Variants in EGF observed in about 807,000 individuals in gnomAD.
EGF encodes the protein epidermal growth factor, also known as pro-epidermal growth factor.
A neutral mutation model predicts 143.8 loss-of-function variants in EGF; 95 were observed. The observed-to-expected ratio is 0.66, with a 90% CI of 0.56 to 0.78. The LOEUF is 0.78. EGF is among the 30% of genes least tolerant of loss of function. The pLI, the probability that EGF is intolerant of heterozygous loss-of-function variation, is 0.00. For missense variants in EGF, 1,320 were observed against 1,470.9 expected (o/e 0.90, Z 1.68); for synonymous variants, 510 against 510.5 (o/e 1.00, Z 0.01).
chr4:109,937,471 A>G (rs1217234297), intron 1 of EGF, among the ~76,000 whole-genome samples: 2 of 151,526 alleles, frequency 1.3e-5, no homozygotes. Context: ...CAGCACACTG[A>G]TGGTCTTGAC....
chr4:109,936,763 T>C (rs1740883926), intron 1 of EGF, among the ~76,000 whole-genome samples: 1 of 152,176 alleles, frequency 6.6e-6, no homozygotes, highest in Non-Finnish European at 1.5e-5. Flanking sequence ...TGGTTTCCAA[T>C]AACTTATTTA....
chr4:109,930,663 C>G (rs1347633100), intron 1 of EGF, among the ~76,000 whole-genome samples: 1 of 152,168 alleles, frequency 6.6e-6, no homozygotes, highest in East Asian at 1.9e-4. Context: ...GCCCCCAAGG[C>G]CTGCAGAAGA....
intron 1 of EGF, among the ~76,000 whole-genome samples, chr4:109,913,699 T>C (rs1478906035): frequency 1.3e-5 from 2 of 152,246 alleles, no homozygotes; most frequent in Non-Finnish European, 2.9e-5. Context: ...TGAATGAATA[T>C]GCCTCATTTT....
intron 5 of EGF, among the ~76,000 whole-genome samples, chr4:109,953,994 A>G (rs1158616364): frequency 6.6e-6 from 1 of 152,268 alleles, no homozygotes; most frequent in Non-Finnish European, 1.5e-5. Context: ...ATGAGGATAC[A>G]ATAAGAAAAG....
At chr4:109,987,662 T>G (rs182739273) in intron 16 of EGF, 82 bp from the exon 17 acceptor site, 2 of 1,138,774 alleles carry the variant, frequency 1.8e-6, no homozygotes, top group Non-Finnish European at 1.3e-6. Context: ...AGTGGTGGAC[T>G]GTTCTGTAGA....
At chr4:109,944,914 T>C (rs1026571274) in intron 4 of EGF, among the ~76,000 whole-genome samples, 159 bp from the exon 5 acceptor site, 1 of 152,204 alleles carries the variant, frequency 6.6e-6, no homozygotes, top group African/African-American at 2.4e-5. Context: ...AGGAGATAAA[T>C]AAAATTTTAA....
At chr4:109,989,280 G>A (rs1419020142) in intron 18 of EGF, among the ~76,000 whole-genome samples, 1 of 152,184 alleles carries the variant, frequency 6.6e-6, no homozygotes, top group African/African-American at 2.4e-5. Context: ...TCTGGGTGTG[G>A]CACGTTGGAT....
rs1206683070 is a variant in EGF, at chr4:109,961,963, G to A, written c.1290G>A (p.Glu430=). The A allele has an allele frequency of 3.1e-6, 5 of 1,613,890 alleles. No individual in the cohort carries two copies. In the Admixed American group the frequency reaches 8.3e-5, roughly 27 times the overall value. The part of the protein sequence containing the change: ...LCFCPEGSVL[E]RDGKTCSGCS... ...TCTGTCCTGAAGGCTCAGTGCTTGA[G>A]AGAGATGGGAAAACATGTAGCGGTG... is the stretch of plus-strand genomic sequence containing the variant. The change falls in exon 8 of 24, where the codon GAG becomes GAA. Residue 430 remains glutamate (E), a synonymous_variant. Coordinates refer to ENST00000265171, the MANE Select transcript of EGF (RefSeq NM_001963.6).
intron 21 of EGF, chr4:110,001,908 T>G: frequency 1.0e-6 from 1 of 985,428 alleles, no homozygotes; most frequent in Non-Finnish European, 1.2e-6. Flanking sequence ...TACCTAACAA[T>G]TCTGATCAGT....
At position 109,939,286 on chromosome 4, in the gene EGF, C is replaced by T. The variant is rs554516565; in HGVS notation, c.128-1660C>T. The stretch of plus-strand genomic sequence containing the variant: ...TCCACCAAGCTTTAGCATCCCAGAT[C>T]GATCTCAGACTGCTGCGCTAGCAGT... On this transcript the variant is annotated intron_variant, in intron 1 of 23. Transcript: ENST00000265171. 7.2e-5 allele frequency among the ~76,000 whole-genome samples: 11 copies of T among 152,334 alleles called. No individual in the cohort carries two copies. The South Asian group carries it at 8.3e-4, about 11-fold the overall frequency.
At chr4:109,986,099 A>G (rs987611320) in intron 16 of EGF, among the ~76,000 whole-genome samples, 2 of 152,178 alleles carry the variant, frequency 1.3e-5, no homozygotes, top group African/African-American at 4.8e-5. Flanking sequence ...GAATGTGAAC[A>G]CAGGCATTTA....
intron 1 of EGF, among the ~76,000 whole-genome samples, chr4:109,939,166 T>C (rs1421207831): frequency 6.6e-6 from 1 of 152,242 alleles, no homozygotes; most frequent in African/African-American, 2.4e-5. Flanking sequence ...TTGAGCTGCG[T>C]TGGGCTCTGC....
intron 1 of EGF, among the ~76,000 whole-genome samples, chr4:109,932,776 A>G (rs866501181): frequency 5.3e-5 from 8 of 152,168 alleles, no homozygotes; most frequent in Non-Finnish European, 1.0e-4. Context: ...TTTATTCAGC[A>G]TAGACTATAG....
chr4:109,943,222 A>G (rs1426340036), intron 2 of EGF, 32 bp from the exon 3 acceptor site: 1 of 1,450,552 alleles, frequency 6.9e-7, no homozygotes, highest in Non-Finnish European at 9.5e-7. Flanking sequence ...TGGGGGAAGT[A>G]TTAATAACAA....
rs1736008144 is a variant in EGF, at chr4:109,913,206, T to A, written c.-130T>A. The A allele has an allele frequency of 6.1e-6, 7 of 1,145,110 alleles. No homozygotes were observed. The South Asian group carries it at 8.9e-5, about 15-fold the overall frequency. The allele number at this position is 1,145,110 out of a possible 1,614,324, so 70.9% of individuals were successfully genotyped here. On this transcript the variant is annotated 5_prime_UTR_variant, in exon 1 of 24. Transcript: ENST00000265171. ...GGAGGACAACAGCACAACAGGAGAG[T>A]AAAAGATGCCCCAGGGCTGAGGCCT...
intron 1 of EGF, among the ~76,000 whole-genome samples, chr4:109,938,886 T>G (rs2125995785): frequency 6.6e-6 from 1 of 152,310 alleles, no homozygotes; most frequent in African/African-American, 2.4e-5. Flanking sequence ...ATTCTTCCTC[T>G]GGAAGCTTTG....
At chr4:110,009,215 G>T (rs1160814537) in intron 23 of EGF, among the ~76,000 whole-genome samples, 1 of 151,986 alleles carries the variant, frequency 6.6e-6, no homozygotes. Context: ...GATATTTAAG[G>T]TACACTTAAA....
rs185887140 is a variant in EGF at position 109,938,020 on chromosome 4, G to A, written c.128-2926G>A. Among the ~76,000 whole-genome samples, 1,170 of 152,154 alleles carry A rather than the reference G, an allele frequency of 7.7e-3. 13 individuals carry two copies. The highest frequency in any genetic ancestry group is 0.026 in the African/African-American group (1,081 of 41,504). ...GTTGCTCTTCTCGAGGAGTATCTTTGGGGGTGTTCTCTGTATTTCCTGAAT... is the reference window on the plus strand; with the variant it reads ...GTTGCTCTTCTCGAGGAGTATCTTTAGGGGTGTTCTCTGTATTTCCTGAAT... On this transcript the variant is annotated intron_variant, in intron 1 of 23. Transcript: ENST00000265171.
intron 5 of EGF, among the ~76,000 whole-genome samples, chr4:109,954,800 G>A (rs1420047512): frequency 6.6e-6 from 1 of 151,942 alleles, no homozygotes; most frequent in Non-Finnish European, 1.5e-5. Context: ...CAAAGGGCTT[G>A]GAATAGCATC....
Sources: gnomAD v4.1 joint callset for allele counts (sites outside exome capture counted in the v4.1 genomes callset) on GRCh38, gnomAD v4.1.1 for gene constraint, MANE v1.5 for transcripts, NCBI Gene and HGNC (gene_info 2026-07-23, HGNC 2026-07-21) for gene names.